PCDHGA6: variants seen among roughly 807,000 people sequenced by gnomAD.
PCDHGA6 encodes protocadherin gamma-A6.
In PCDHGA6, 41 loss-of-function variants were observed where a neutral mutation model predicts 60.6. The observed-to-expected ratio is 0.68, with a 90% CI of 0.53 to 0.88. The LOEUF is 0.88. PCDHGA6 is among the 40% of genes least tolerant of loss of function. The pLI is 0.00. For missense variants in PCDHGA6, 1,312 were observed against 1,203.0 expected (o/e 1.09, Z -1.34); for synonymous variants, 594 against 524.4 (o/e 1.13, Z -1.81).
intron 1 of PCDHGA6, chr5:141,426,692 C>T: frequency 2.3e-6 from 1 of 435,472 alleles, no homozygotes; most frequent in Non-Finnish European, 4.7e-6. Flanking sequence ...CCCAAAATAG[C>T]ATTGTTTTAC....
chr5:141,388,708 C>A lies in PCDHGA6; in HGVS notation c.2424+12201C>A, dbSNP rs764003797. On this transcript the variant is annotated intron_variant, in intron 1 of 3. Transcript: ENST00000517434. ...ACGGACCAGGATGAGGGTGTCAATG[C>A]CGAGATTACTTTCTCTTTCAGTGAA... 1.9e-6 allele frequency: 3 copies of A among 1,613,842 alleles called. No individual in the cohort carries two copies. The highest frequency in any genetic ancestry group is 2.5e-6 in the Non-Finnish European group (3 of 1,179,882).
chr5:141,418,064 A>T, intron 1 of PCDHGA6: 1 of 1,614,006 alleles, frequency 6.2e-7, no homozygotes, highest in Non-Finnish European at 8.5e-7. Flanking sequence ...GCTGCGAGTG[A>T]GCGCGGAGAA....
chr5:141,421,433 C>A lies in PCDHGA6; in HGVS notation c.2424+44926C>A, dbSNP rs772564300. 5 of 1,614,074 alleles carry A rather than the reference C, an allele frequency of 3.1e-6. No homozygotes were observed. In the African/African-American group the frequency reaches 4.0e-5, roughly 13 times the overall value. On this transcript the variant is annotated intron_variant, in intron 1 of 3. Coordinates refer to ENST00000517434, the MANE Select transcript of PCDHGA6 (RefSeq NM_018919.3). ...GCGAAGCGCGGAGTCCGCATCGTCTCCAGAGGGAAGACACAGCTTTTCGCT... is the reference window on the plus strand; with the variant it reads ...GCGAAGCGCGGAGTCCGCATCGTCTACAGAGGGAAGACACAGCTTTTCGCT...
chr5:141,458,933 A>G (rs920768063), intron 1 of PCDHGA6, among the ~76,000 whole-genome samples: 3 of 151,912 alleles, frequency 2.0e-5, no homozygotes, highest in Admixed American at 6.6e-5. Flanking sequence ...GGGTCTCACT[A>G]TGTTGCTTAG....
chr5:141,497,413 T>A (rs572922456), intron 2 of PCDHGA6, among the ~76,000 whole-genome samples: 1 of 151,928 alleles, frequency 6.6e-6, no homozygotes, highest in African/African-American at 2.4e-5. Context: ...TCCCATTCCA[T>A]CAAATGAGAG....
chr5:141,452,968 A>G (rs1028716079), intron 1 of PCDHGA6, among the ~76,000 whole-genome samples: 3 of 152,210 alleles, frequency 2.0e-5, no homozygotes, highest in Non-Finnish European at 4.4e-5. Flanking sequence ...AACTGAGGGT[A>G]TATTGTCAAA....
At chr5:141,462,019 C>T (rs1276421563) in intron 1 of PCDHGA6, among the ~76,000 whole-genome samples, 6 of 152,178 alleles carry the variant, frequency 3.9e-5, no homozygotes, top group Non-Finnish European at 8.8e-5. Flanking sequence ...GACGGGGTTT[C>T]TTCATGTTGG....
rs746129890 is a variant in PCDHGA6 at position 141,375,069 on chromosome 5, A to G, written c.986A>G (p.Asp329Gly). The change falls in exon 1 of 4, where the codon GAC becomes GGC. Residue 329 changes from aspartate (D) to glycine (G), a missense_variant. By Grantham distance (94) the Asp-to-Gly change is moderately conservative. Coordinates refer to ENST00000517434, the MANE Select transcript of PCDHGA6 (RefSeq NM_018919.3). ...GCCCGGGATGGGCCAGGTCTTCGAG[A>G]CAGAGCGAAAGTCTTAATAACTATC... ...VEARDGPGLR[D>G]RAKVLITILD... 4 of 1,614,040 alleles carry G rather than the reference A, an allele frequency of 2.5e-6. No homozygotes were observed. Among genetic ancestry groups the G allele is most frequent in the South Asian group, 2.2e-5 (2 of 91,086 alleles).
At position 141,493,026 on chromosome 5, in the gene PCDHGA6, C is replaced by G. The variant is rs73280358; in HGVS notation, c.2425-1781C>G. Reference sequence around the variant, plus strand: ...TAGGCTCTGCCAGATGCCAGGGTGCCCTTATGTGTGAGGAAACTACAATAG... The same window carrying G: ...TAGGCTCTGCCAGATGCCAGGGTGCGCTTATGTGTGAGGAAACTACAATAG... On this transcript the variant is annotated intron_variant, in intron 1 of 3. Coordinates refer to ENST00000517434, the MANE Select transcript of PCDHGA6 (RefSeq NM_018919.3). This position sits in a 1 kb window ranked among gnomAD's most constrained non-coding sequence, Gnocchi z 4.3. 0.039 allele frequency among the ~76,000 whole-genome samples: 5,923 copies of G among 152,298 alleles called. 150 individuals are homozygous for G. The highest frequency in any genetic ancestry group is 0.077 in the South Asian group (370 of 4,822).
At chr5:141,388,632 A>C in intron 1 of PCDHGA6, 1 of 1,613,958 alleles carries the variant, frequency 6.2e-7, no homozygotes, top group Non-Finnish European at 8.5e-7. Context: ...ATACAGGGTG[A>C]GCCTTTCAGA....
At chr5:141,479,590 A>T (rs2099500448) in intron 1 of PCDHGA6, 1 of 152,182 alleles carries the variant, frequency 6.6e-6, no homozygotes, top group Non-Finnish European at 1.5e-5. Context: ...TAGCCACTGC[A>T]CTCCAGCCTA....
At chr5:141,400,638 T>A in intron 1 of PCDHGA6, 1 of 1,325,472 alleles carries the variant, frequency 7.5e-7, no homozygotes, top group Non-Finnish European at 1.1e-6. Flanking sequence ...TCAGAGCTGC[T>A]CAGAAAGCTG....
At chr5:141,397,887 G>C in intron 1 of PCDHGA6, 1 of 617,602 alleles carries the variant, frequency 1.6e-6, no homozygotes, top group South Asian at 2.4e-5. Flanking sequence ...GCCGCTGTTG[G>C]CCAAAGTGCA....
rs778744503 is a variant in PCDHGA6, at chr5:141,511,152, G to A, written c.2778G>A (p.Ser926=). Residue 926 remains serine (S), a synonymous_variant, in exon 4 of 4, where the codon TCG becomes TCA. Transcript: ENST00000517434. The part of the protein sequence containing the change: ...PAGGNGNKKK[S]GKKEKK ...GTGGCAATGGCAACAAGAAGAAGTCGGGCAAGAAGGAGAAGAAGTAACATG... is the reference window on the plus strand; with the variant it reads ...GTGGCAATGGCAACAAGAAGAAGTCAGGCAAGAAGGAGAAGAAGTAACATG... The A allele has an allele frequency of 2.0e-5, 32 of 1,614,022 alleles. No individual in the cohort carries two copies. Among genetic ancestry groups the A allele is most frequent in the South Asian group, 4.4e-5 (4 of 91,090 alleles).
chr5:141,438,579 CATACATACATACATATAT>C (rs1303045573), intron 1 of PCDHGA6, among the ~76,000 whole-genome samples: 21 of 55,772 alleles, frequency 3.8e-4, no homozygotes, highest in Admixed American at 1.1e-3. Context: ...GATATACATA[CATACATACATACATATAT>C]ATATATATAT....
At position 141,511,456 on chromosome 5, in the gene PCDHGA6, C is replaced by A. The variant is rs900802210; in HGVS notation, c.*283C>A. ...TACTGTAGACACCAAGAACCATTTG[C>A]CACACCCCGTTTAGTTACAGCTGAA... On this transcript the variant is annotated 3_prime_UTR_variant, in exon 4 of 4. Transcript: ENST00000517434. 3.4e-6 allele frequency: 2 copies of A among 585,210 alleles called. No homozygotes were observed. The highest frequency in any genetic ancestry group is 5.7e-6 in the Non-Finnish European group (2 of 351,786). 36.3% of individuals were successfully genotyped at this position (585,210 alleles called of 1,614,324 possible).
chr5:141,383,987 G>T, intron 1 of PCDHGA6: 6 of 1,613,730 alleles, frequency 3.7e-6, no homozygotes, highest in Non-Finnish European at 5.1e-6. Flanking sequence ...ACACCTCTTG[G>T]GACAGTCATT....
chr5:141,431,318 G>C lies in PCDHGA6; in HGVS notation c.2424+54811G>C. 1 of 1,614,086 alleles carries C rather than the reference G, an allele frequency of 6.2e-7. No homozygotes were observed. Among genetic ancestry groups the C allele is most frequent in the African/African-American group, 1.3e-5 (1 of 75,050 alleles). On this transcript the variant is annotated intron_variant, in intron 1 of 3. Transcript: ENST00000517434. The surrounding 1 kb of genome is among the most constrained non-coding windows in gnomAD (Gnocchi z 4.8). ...CTCCCTCATCGTGCAAAATGGAGCC[G>C]ACGGTAGTAAGTACCCCGAATTGGT...
chr5:141,413,981 C>T (rs563161887), intron 1 of PCDHGA6: 52 of 1,613,334 alleles, frequency 3.2e-5, no homozygotes, highest in African/African-American at 5.3e-5. Context: ...CTGACAGTCA[C>T]AGCCACCGAC....
Sources: allele counts gnomAD v4.1 joint callset (sites outside exome capture counted in the v4.1 genomes callset), GRCh38; gene constraint gnomAD v4.1.1; non-coding constraint Gnocchi (gnomAD v3.1); transcripts MANE v1.5; gene names NCBI Gene and HGNC (gene_info 2026-07-23, HGNC 2026-07-21).